The following ZNF423 variants were observed in gnomAD, a reference collection of about 807,000 sequenced individuals.
ZNF423 encodes the protein Ebf-associated zinc finger protein.
A neutral mutation model predicts 95.8 loss-of-function variants in ZNF423; 12 were observed. The ratio of observed to expected loss-of-function variants is 0.13; its 90% CI spans 0.08 to 0.20. ZNF423 has a LOEUF of 0.20. ZNF423 is among the 10% of genes least tolerant of loss of function. ZNF423 has a pLI of 1.00. For missense variants in ZNF423, 1,316 were observed against 1,737.1 expected, an observed-to-expected ratio of 0.76 and a Z score of 4.31; for synonymous variants, 749 against 711.9, an observed-to-expected ratio of 1.05 and a Z score of -0.83.
At position 49,854,979 on chromosome 16, in the gene ZNF423, G is replaced by T. The variant is rs1051684990; in HGVS notation, c.40+756C>A. On this transcript the variant is annotated intron_variant, in intron 1 of 7. Coordinates refer to ENST00000563137, the MANE Select transcript of ZNF423 (RefSeq NM_001379286.1). ...GGGTCAGATCCGGGGCGCCCTCCGC[G>T]GAGGGGCGCGCACCGCGGCCGCTGA... 4 of 984,634 alleles carry T rather than the reference G, an allele frequency of 4.1e-6. No homozygotes were observed. In the African/African-American group the frequency reaches 5.3e-5, roughly 13 times the overall value. 61.0% of individuals were successfully genotyped at this position (984,634 alleles called of 1,614,324 possible). A position where few individuals can be genotyped will look rare whatever the true frequency, so the allele number is the denominator to read the frequency against.
intron 1 of ZNF423, among the ~76,000 whole-genome samples, chr16:49,831,118 G>A (rs1333987048): frequency 6.6e-6 from 1 of 152,124 alleles, no homozygotes. Context: ...CACCTGGCCA[G>A]AGCCAGAGCA....
intron 5 of ZNF423, among the ~76,000 whole-genome samples, chr16:49,599,194 G>A (rs1971277743): frequency 6.6e-6 from 1 of 152,132 alleles, no homozygotes; most frequent in South Asian, 2.1e-4. Flanking sequence ...AGAAGGGAGG[G>A]AAAAGACACA....
At chr16:49,797,720 A>C (rs918980838) in intron 1 of ZNF423, among the ~76,000 whole-genome samples, 1 of 152,212 alleles carries the variant, frequency 6.6e-6, no homozygotes, top group African/African-American at 2.4e-5. Flanking sequence ...AACTCCCGTG[A>C]TTCACCCTGA....
At chr16:49,594,857 C>T (rs765284658) in intron 5 of ZNF423, among the ~76,000 whole-genome samples, 3 of 152,178 alleles carry the variant, frequency 2.0e-5, no homozygotes, top group Non-Finnish European at 4.4e-5. Flanking sequence ...TCAGGAGCTA[C>T]GACAGGCACA....
At chr16:49,530,655 C>A (rs1442803602) in intron 5 of ZNF423, among the ~76,000 whole-genome samples, 1 of 152,124 alleles carries the variant, frequency 6.6e-6, no homozygotes, top group East Asian at 1.9e-4. Flanking sequence ...CCATGGTCAC[C>A]CCTAATCTCA....
Position 49,490,956 on chromosome 16 carries a change from A to G in ZNF423, c.*319T>C, listed in dbSNP as rs760572385. On this transcript the variant is annotated 3_prime_UTR_variant, in exon 8 of 8. Transcript: ENST00000563137. ...ACTAATTCTTTTTTAAAAACTATCA[A>G]TATAATACATGAAGGAACAAAGGAC... The G allele has an allele frequency of 1.5e-5, 5 of 334,910 alleles. No individual in the cohort carries two copies. Among genetic ancestry groups the G allele is most frequent in the South Asian group, 8.6e-5 (1 of 11,690 alleles). 20.7% of individuals were successfully genotyped at this position (334,910 alleles called of 1,614,324 possible).
rs979472996 is a variant in ZNF423 at position 49,662,167 on chromosome 16, C to T, written c.302-23293G>A. On this transcript the variant is annotated intron_variant, in intron 3 of 7. Transcript: ENST00000563137. Reference sequence around the variant, plus strand: ...AATTTACCACCTCCTTATGTCATTCCTGCCAATGTCATGTCATAAAGAAAG... The same window carrying T: ...AATTTACCACCTCCTTATGTCATTCTTGCCAATGTCATGTCATAAAGAAAG... Among the ~76,000 whole-genome samples the T allele has an allele frequency of 5.3e-5, 8 of 152,176 alleles. 1 individual carries two copies. The highest frequency in any genetic ancestry group is 3.9e-4 in the Admixed American group (6 of 15,278).
intron 3 of ZNF423, among the ~76,000 whole-genome samples, chr16:49,657,514 T>C (rs1225273324): frequency 6.6e-6 from 1 of 152,240 alleles, no homozygotes; most frequent in Non-Finnish European, 1.5e-5. Context: ...TCCAGGTGTC[T>C]GCCTGTCTCA....
At chr16:49,793,154 T>C (rs1394462081) in intron 1 of ZNF423, among the ~76,000 whole-genome samples, 1 of 145,318 alleles carries the variant, frequency 6.9e-6, no homozygotes, top group Admixed American at 6.9e-5. Context: ...GAGTGTGAGG[T>C]TTTTTTCTCC....
chr16:49,503,454 C>A (rs1345698691), intron 7 of ZNF423, among the ~76,000 whole-genome samples: 3 of 152,180 alleles, frequency 2.0e-5, no homozygotes, highest in African/African-American at 7.2e-5. Flanking sequence ...CAGCCACCAC[C>A]TTCTGCCAGG....
chr16:49,621,595 G>C (rs911051622), intron 5 of ZNF423, among the ~76,000 whole-genome samples: 1 of 152,170 alleles, frequency 6.6e-6, no homozygotes, highest in Non-Finnish European at 1.5e-5. Context: ...TTATGAGAAG[G>C]CTGCAGAGCT....
chr16:49,816,919 A>C (rs979966567), intron 1 of ZNF423, among the ~76,000 whole-genome samples: 2 of 152,230 alleles, frequency 1.3e-5, no homozygotes, highest in Non-Finnish European at 2.9e-5. Flanking sequence ...TATACTGAGC[A>C]ATCAGTATGC....
chr16:49,731,252 G>A (rs561635756), intron 2 of ZNF423: 1 of 925,840 alleles, frequency 1.1e-6, no homozygotes, highest in African/African-American at 1.8e-5. Flanking sequence ...CATCGGAGAG[G>A]TGAAAAACCT....
chr16:49,615,161 C>CACACACACACACACACACACAT (rs1363843173), intron 5 of ZNF423, among the ~76,000 whole-genome samples: 3 of 151,868 alleles, frequency 2.0e-5, no homozygotes, highest in African/African-American at 7.2e-5. Flanking sequence ...CACACACACA[C>CACACACACACACACACACACAT]ACACGGGGCA....
rs1228937608 is a variant in ZNF423 at position 49,855,535 on chromosome 16, G to GCCT, written c.40+197_40+199dup. The stretch of plus-strand genomic sequence containing the variant: ...CTCCGCCGCCGCCGCCGCCGCCGCC[G>GCCT]CCTCCGCCTCCTGCTCCCGGCTTCC... On this transcript the variant is annotated intron_variant, in intron 1 of 7. Transcript: ENST00000563137. This position sits in a 1 kb window ranked among gnomAD's most constrained non-coding sequence, Gnocchi z 4.7. 7.1e-6 allele frequency among the ~76,000 whole-genome samples: 1 copy of GCCT among 140,838 alleles called. No individual in the cohort carries two copies. The highest frequency in any genetic ancestry group is 7.0e-5 in the Admixed American group (1 of 14,384). 92.4% of individuals were successfully genotyped at this position (140,838 alleles called of 152,430 possible).
chr16:49,611,934 C>T (rs117854430), intron 5 of ZNF423, among the ~76,000 whole-genome samples: 1,674 of 152,090 alleles, frequency 0.011, 14 homozygotes, highest in Non-Finnish European at 0.017. Context: ...CCAGAATACA[C>T]ATAATAAGAA....
At chr16:49,703,117 G>C (rs948218426) in intron 3 of ZNF423, among the ~76,000 whole-genome samples, 1 of 152,166 alleles carries the variant, frequency 6.6e-6, no homozygotes. Flanking sequence ...CTCCCTCCTG[G>C]GCTCTGCGGT....
chr16:49,757,564 C>A (rs535394292), intron 2 of ZNF423, among the ~76,000 whole-genome samples: 22 of 152,328 alleles, frequency 1.4e-4, no homozygotes, highest in African/African-American at 5.3e-4. Flanking sequence ...ATAGAACTCA[C>A]CTGTCAGTAA....
At position 49,657,194 on chromosome 16, in the gene ZNF423, C is replaced by T. The variant is rs760025186; in HGVS notation, c.302-18320G>A. ...TGGAGACTTCCACAGACAAGCGGCA[C>T]ACACTGTGTGACCTCAAATCACAGA... is the stretch of plus-strand genomic sequence containing the variant. On this transcript the variant is annotated intron_variant, in intron 3 of 7. Coordinates refer to ENST00000563137, the MANE Select transcript of ZNF423 (RefSeq NM_001379286.1). 4.6e-5 allele frequency among the ~76,000 whole-genome samples: 7 copies of T among 152,232 alleles called. No individual in the cohort carries two copies. In the South Asian group the frequency reaches 6.2e-4, roughly 14 times the overall value.
Sources: gnomAD v4.1 joint callset for allele counts (sites outside exome capture counted in the v4.1 genomes callset) on GRCh38, gnomAD v4.1.1 for gene constraint, Gnocchi (gnomAD v3.1) non-coding constraint, MANE v1.5 for transcripts, NCBI Gene and HGNC (gene_info 2026-07-23, HGNC 2026-07-21) for gene names.